Variants in SPATA9 observed in about 807,000 individuals in gnomAD.
SPATA9 encodes spermatogenesis-associated protein 9.
SPATA9 carries 27 observed loss-of-function variants against 25.5 expected under a neutral mutation model. That is an observed-to-expected ratio of 1.06 (90% CI 0.78 to 1.46). The LOEUF (loss-of-function observed/expected upper bound fraction) is 1.46. SPATA9 is among the 40% of genes most tolerant of loss of function. The pLI is 0.00. For missense variants in SPATA9, 282 were observed against 297.5 expected, an observed-to-expected ratio of 0.95 and a Z score of 0.38; for synonymous variants, 102 against 105.7, an observed-to-expected ratio of 0.97 and a Z score of 0.21.
the SPATA9 span, among the ~76,000 whole-genome samples, chr5:95,707,318 C>G: frequency 6.6e-6 from 1 of 151,862 alleles, no homozygotes; most frequent in Non-Finnish European, 1.5e-5. Context: ...CAGACATGGA[C>G]CTTTAGAACA....
At chr5:95,673,213 C>A (rs1752580809) in intron 3 of SPATA9, among the ~76,000 whole-genome samples, 1 of 152,174 alleles carries the variant, frequency 6.6e-6, no homozygotes, top group Non-Finnish European at 1.5e-5. Flanking sequence ...GTTCCTCTCT[C>A]CTGTGATGCA....
the SPATA9 span, among the ~76,000 whole-genome samples, chr5:95,710,233 G>T: frequency 6.6e-6 from 1 of 152,304 alleles, no homozygotes. Context: ...ATATCTTGAA[G>T]ATTGGGTGGG....
At chr5:95,659,735 CCCTCCTG>C (rs768925189) in intron 4 of SPATA9, 3 of 152,252 alleles carry the variant, frequency 2.0e-5, no homozygotes, top group Non-Finnish European at 2.9e-5. Context: ...CTTCCTCTTG[CCCTCCTG>C]CCTCCTGCCT....
the SPATA9 span, chr5:95,732,002 C>T: frequency 2.5e-6 from 4 of 1,614,056 alleles, no homozygotes; most frequent in Non-Finnish European, 1.7e-6. Context: ...GCGGCCAGCA[C>T]GGTCGCGCGT....
chr5:95,690,357 G>T (rs1753851551), intron 1 of SPATA9, among the ~76,000 whole-genome samples: 1 of 152,144 alleles, frequency 6.6e-6, no homozygotes, highest in African/African-American at 2.4e-5. Flanking sequence ...TAAATTCTGG[G>T]CTTTAATACC....
chr5:95,685,433 G>A (rs556900322), upstream of SPATA9, among the ~76,000 whole-genome samples: 2 of 152,264 alleles, frequency 1.3e-5, no homozygotes, highest in South Asian at 2.1e-4. Context: ...TGCCATGTGA[G>A]ACTTCTTTAA....
At chr5:95,687,334 T>A (rs535576443), upstream of SPATA9, among the ~76,000 whole-genome samples, 1 of 152,224 alleles carries the variant, frequency 6.6e-6, no homozygotes, top group Non-Finnish European at 1.5e-5. Context: ...GCTTGGGAAA[T>A]CCTGGGTCAC....
chr5:95,713,120 G>C, the SPATA9 span, among the ~76,000 whole-genome samples: 1 of 152,102 alleles, frequency 6.6e-6, no homozygotes, highest in Non-Finnish European at 1.5e-5. Flanking sequence ...TGGTTTTCCT[G>C]TTGATTCTCC....
the SPATA9 span, chr5:95,708,856 A>G: frequency 1.9e-6 from 1 of 523,170 alleles, no homozygotes; most frequent in Non-Finnish European, 3.4e-6. Flanking sequence ...AGAGGTGAGG[A>G]GGAAGGAGTA....
upstream of SPATA9, among the ~76,000 whole-genome samples, chr5:95,684,424 T>C (rs1285992925): frequency 1.3e-5 from 2 of 152,202 alleles, no homozygotes; most frequent in African/African-American, 4.8e-5. Flanking sequence ...ATTGCCCAAC[T>C]GGTTTTACCC....
At chr5:95,667,142 G>C (rs750463030) in intron 3 of SPATA9, among the ~76,000 whole-genome samples, 1 of 152,144 alleles carries the variant, frequency 6.6e-6, no homozygotes, top group Non-Finnish European at 1.5e-5. Flanking sequence ...ATGGTATTTT[G>C]TAAATGAAAT....
the SPATA9 span, among the ~76,000 whole-genome samples, chr5:95,710,204 G>A: frequency 3.3e-5 from 5 of 152,216 alleles, no homozygotes; most frequent in South Asian, 6.2e-4. Context: ...ACACAGTGGC[G>A]TCCACCTTCT....
At chr5:95,654,482 G>T, downstream of SPATA9, 1 of 721,068 alleles carries the variant, frequency 1.4e-6, no homozygotes, top group South Asian at 2.0e-5. Context: ...AAGTATTCTG[G>T]GAATTCATAA....
chr5:95,695,599 AAAAC>A (rs925907331), intron 1 of SPATA9, among the ~76,000 whole-genome samples: 22 of 152,328 alleles, frequency 1.4e-4, no homozygotes, highest in Middle Eastern at 3.4e-3. Flanking sequence ...CCCTGACTCA[AAAAC>A]AAACAAACAA....
chr5:95,694,356 C>T (rs1300406453), intron 1 of SPATA9, among the ~76,000 whole-genome samples: 1 of 152,112 alleles, frequency 6.6e-6, no homozygotes, highest in Non-Finnish European at 1.5e-5. Context: ...GAGTATATTA[C>T]TTAATTACCT....
chr5:95,718,507 A>T, the SPATA9 span, among the ~76,000 whole-genome samples: 1 of 152,236 alleles, frequency 6.6e-6, no homozygotes, highest in African/African-American at 2.4e-5. Context: ...GACAGAAAAC[A>T]TGAGACTGAG....
At chr5:95,662,206 A>G (rs1194858004) in intron 4 of SPATA9, among the ~76,000 whole-genome samples, 1 of 152,160 alleles carries the variant, frequency 6.6e-6, no homozygotes, top group Non-Finnish European at 1.5e-5. Context: ...AAATAGATTA[A>G]TTGGATACTC....
At chr5:95,686,920 G>A (rs1753761686), upstream of SPATA9, among the ~76,000 whole-genome samples, 2 of 152,180 alleles carry the variant, frequency 1.3e-5, no homozygotes, top group African/African-American at 2.4e-5. Flanking sequence ...GTGGACACAA[G>A]TTAGCTATAC....
At chr5:95,659,204 G>T (rs910718378) in intron 4 of SPATA9, 1 of 261,146 alleles carries the variant, frequency 3.8e-6, no homozygotes, top group African/African-American at 2.2e-5. Flanking sequence ...TTCTCTTGAT[G>T]TAATTAAATG....
Sources: allele counts gnomAD v4.1 joint callset (sites outside exome capture counted in the v4.1 genomes callset), GRCh38; gene constraint gnomAD v4.1.1; transcripts MANE v1.5; gene names NCBI Gene and HGNC (gene_info 2026-07-23, HGNC 2026-07-21).